The following NAV1 variants were observed in gnomAD, a reference collection of about 807,000 sequenced individuals.
NAV1 encodes the protein neuron navigator 1.
A neutral mutation model predicts 175.2 loss-of-function variants in NAV1; 18 were observed. That is an observed-to-expected ratio of 0.10 (90% confidence interval 0.07 to 0.15). The LOEUF is 0.15. Among genes scored for constraint, NAV1 ranks in the 10% least tolerant of loss-of-function variants. The pLI is 1.00. For synonymous variants in NAV1, 897 were observed against 978.7 expected (o/e 0.92, Z 1.56); for missense variants, 1,731 against 2,436.6 (o/e 0.71, Z 6.10).
At chr1:201,734,928 T>C (rs528678124) in intron 3 of NAV1, among the ~76,000 whole-genome samples, 1 of 152,330 alleles carries the variant, frequency 6.6e-6, no homozygotes, top group African/African-American at 2.4e-5. Flanking sequence ...CTGGAGGGTC[T>C]ACCCTCTCTC....
At chr1:201,551,155 TC>T (rs990024831) in intron 1 of NAV1, among the ~76,000 whole-genome samples, 3 of 152,212 alleles carry the variant, frequency 2.0e-5, no homozygotes, top group African/African-American at 7.2e-5. Context: ...ACCCAAGTCT[TC>T]CAGCTCCTGG....
At chr1:201,632,109 G>C (rs1043563023) in intron 2 of NAV1, among the ~76,000 whole-genome samples, 2 of 152,312 alleles carry the variant, frequency 1.3e-5, no homozygotes, top group South Asian at 2.1e-4. Context: ...AATGGGTTTG[G>C]GGGGTGAGTG....
intron 1 of NAV1, among the ~76,000 whole-genome samples, chr1:201,579,449 G>A (rs1387452506): frequency 6.6e-6 from 1 of 152,072 alleles, no homozygotes; most frequent in Admixed American, 6.5e-5. Flanking sequence ...TCTGCCTCCT[G>A]GGTTCAAGCA....
Position 201,643,009 on chromosome 1 carries a change from C to T in NAV1, c.5-5625C>T, listed in dbSNP as rs539761111. The stretch of plus-strand genomic sequence containing the variant: ...CAGGATGGTCTCAATCTCCTGACCT[C>T]GTGATCCGTCCGCCTTGGCCTCCCA... On this transcript the variant is annotated intron_variant, in intron 2 of 29. Transcript: ENST00000367302. Among the ~76,000 whole-genome samples the T allele has an allele frequency of 7.2e-5, 11 of 151,966 alleles. 1 individual carries two copies. The highest frequency in any genetic ancestry group is 1.2e-4 in the Non-Finnish European group (8 of 67,998).
intron 1 of NAV1, among the ~76,000 whole-genome samples, chr1:201,704,217 C>G (rs554616064): frequency 5.4e-4 from 82 of 152,342 alleles, no homozygotes; most frequent in African/African-American, 1.8e-3. Context: ...GGAAAGATGT[C>G]AGCCCTAGGA....
At chr1:201,816,966 G>A (rs775700181) in intron 28 of NAV1, 122 bp from the exon 33 acceptor site, 15 of 815,952 alleles carry the variant, frequency 1.8e-5, no homozygotes, top group Non-Finnish European at 2.5e-5. Flanking sequence ...GAGCCACTGC[G>A]CCTGGCCAGG....
At chr1:201,544,832 C>T (rs1325612843) in intron 1 of NAV1, among the ~76,000 whole-genome samples, 1 of 152,186 alleles carries the variant, frequency 6.6e-6, no homozygotes, top group Non-Finnish European at 1.5e-5. Context: ...GTCTCAGCAG[C>T]CCCACTTCCT....
At chr1:201,773,847 G>T (rs548215435) in intron 3 of NAV1, among the ~76,000 whole-genome samples, 2 of 152,238 alleles carry the variant, frequency 1.3e-5, no homozygotes, top group South Asian at 4.2e-4. Context: ...CGTTGACAAG[G>T]TTCTTCATCT....
chr1:201,660,084 C>T (rs181909404), intron 1 of NAV1, among the ~76,000 whole-genome samples: 4 of 152,272 alleles, frequency 2.6e-5, no homozygotes, highest in South Asian at 4.1e-4. Flanking sequence ...TTGATGGTGA[C>T]GTGATGTCCA....
intron 15 of NAV1, among the ~76,000 whole-genome samples, chr1:201,799,993 T>TTTATTTC (rs1364352499): frequency 6.6e-6 from 1 of 151,944 alleles, no homozygotes; most frequent in Non-Finnish European, 1.5e-5. Flanking sequence ...TTTTTTATTT[T>TTTATTTC]TATTTATTTA....
At chr1:201,796,048 C>T (rs2102761790) in intron 15 of NAV1, 1 of 152,292 alleles carries the variant, frequency 6.6e-6, no homozygotes, top group East Asian at 1.9e-4. Context: ...GGATATACCA[C>T]AGTTTGTTTA....
intron 1 of NAV1, among the ~76,000 whole-genome samples, chr1:201,659,925 A>T (rs978039442): frequency 6.6e-6 from 1 of 152,168 alleles, no homozygotes; most frequent in African/African-American, 2.4e-5. Context: ...TTGCCATGGG[A>T]TTCCATTGCT....
Position 201,571,599 on chromosome 1 carries a change from G to A in NAV1, c.-143-16940G>A, listed in dbSNP as rs182186222. Among the ~76,000 whole-genome samples, 112 of 152,306 alleles carry A rather than the reference G, an allele frequency of 7.4e-4. 1 individual carries two copies. The East Asian group carries it at 0.02, about 27-fold the overall frequency. On this transcript the variant is annotated intron_variant, in intron 1 of 33. Transcript: ENST00000685211. ...CTCTGGGGCTGTCCCTAGGTCTCTG[G>A]CTATGGGTGCCCAGCAGAACTGCAA...
chr1:201,714,882 G>A (rs1053587876), intron 2 of NAV1, among the ~76,000 whole-genome samples: 1 of 152,154 alleles, frequency 6.6e-6, no homozygotes, highest in Non-Finnish European at 1.5e-5. Context: ...CAGTCCCTCC[G>A]TTAAGCCGGA....
intron 17 of NAV1, among the ~76,000 whole-genome samples, chr1:201,805,359 AG>A (rs1190808359): frequency 3.9e-5 from 6 of 152,194 alleles, no homozygotes; most frequent in African/African-American, 1.2e-4. Context: ...TACTATAGGC[AG>A]GGAAGACTTC....
intron 1 of NAV1, among the ~76,000 whole-genome samples, chr1:201,712,065 C>G (rs1438525741): frequency 6.6e-6 from 1 of 152,184 alleles, no homozygotes; most frequent in African/African-American, 2.4e-5. Flanking sequence ...CAGGATTGCA[C>G]CACTTGTGTG....
chr1:201,699,581 A>T (rs2102437394), intron 1 of NAV1, among the ~76,000 whole-genome samples: 1 of 152,364 alleles, frequency 6.6e-6, no homozygotes, highest in East Asian at 1.9e-4. Flanking sequence ...GCAGAATTGG[A>T]AAAAACTACT....
At chr1:201,689,716 C>A (rs181313848) in intron 1 of NAV1, among the ~76,000 whole-genome samples, 8 of 152,284 alleles carry the variant, frequency 5.3e-5, no homozygotes, top group African/African-American at 1.9e-4. Flanking sequence ...TTTGTACCTT[C>A]CCCTAATAAA....
At chr1:201,803,681 T>A (rs911395854) in exon 16 of NAV1, 4 of 1,612,894 alleles carry the variant, frequency 2.5e-6, no homozygotes, top group Non-Finnish European at 3.4e-6. Context: ...GCAGCAAGGA[T>A]GCTGATGCGA....
Sources: gnomAD v4.1 joint callset for allele counts (sites outside exome capture counted in the v4.1 genomes callset) on GRCh38, gnomAD v4.1.1 for gene constraint, MANE v1.5 for transcripts, NCBI Gene and HGNC (gene_info 2026-07-23, HGNC 2026-07-21) for gene names.